The following EDNRA variants were observed in gnomAD, a reference collection of about 807,000 sequenced individuals.
The protein encoded by EDNRA is endothelin-1 receptor.
Under a neutral mutation model 41.4 loss-of-function variants are expected in EDNRA, and 11 were observed. The ratio of observed to expected loss-of-function variants is 0.27; its 90% CI spans 0.17 to 0.44. EDNRA has a LOEUF of 0.44. EDNRA is among the 20% of genes least tolerant of loss of function. The pLI is 1.00. For synonymous variants in EDNRA, 172 were observed against 183.0 expected (o/e 0.94, Z 0.49); for missense variants, 294 against 531.0 (o/e 0.55, Z 4.39).
chr4:147,497,418 A>T (rs879810992), intron 2 of EDNRA, among the ~76,000 whole-genome samples: 20 of 152,284 alleles, frequency 1.3e-4, no homozygotes, highest in Admixed American at 6.5e-4. Flanking sequence ...GATAATTCCC[A>T]GATCAACTCA....
chr4:147,516,402 C>T (rs1517135), intron 2 of EDNRA, among the ~76,000 whole-genome samples: 12,168 of 152,268 alleles, frequency 0.08, 1,580 homozygotes, highest in African/African-American at 0.27. Context: ...TACTTTGAGA[C>T]ACTGATAAAC....
Position 147,499,006 on chromosome 4 carries a change from G to A in EDNRA, c.420+12905G>A, listed in dbSNP as rs1299073890. Among the ~76,000 whole-genome samples, 3 of 152,246 alleles carry A rather than the reference G, an allele frequency of 2.0e-5. No homozygotes were observed. The East Asian group carries it at 5.8e-4, about 29-fold the overall frequency. On this transcript the variant is annotated intron_variant, in intron 2 of 7. Coordinates refer to ENST00000651419, the MANE Select transcript of EDNRA (RefSeq NM_001957.4). Reference sequence around the variant, plus strand: ...AAAATATGTTTTATTTTTTAAAATGGTTTGTCACTGATCTTGAATAAATCA... The same window carrying A: ...AAAATATGTTTTATTTTTTAAAATGATTTGTCACTGATCTTGAATAAATCA...
At chr4:147,525,627 TAGGAG>T (rs150205740) in intron 3 of EDNRA, among the ~76,000 whole-genome samples, 2,213 of 134,198 alleles carry the variant, frequency 0.016, 69 homozygotes, top group African/African-American at 0.062. Flanking sequence ...AGGAGAGGGG[TAGGAG>T]GGATCACTGT....
At chr4:147,528,392 CTG>C (rs1253845159) in intron 3 of EDNRA, among the ~76,000 whole-genome samples, 1 of 135,366 alleles carries the variant, frequency 7.4e-6, no homozygotes, top group Non-Finnish European at 1.5e-5. Flanking sequence ...GGGTCTTACT[CTG>C]TCACCCAGGC....
chr4:147,520,888 C>A (rs1730300656), intron 3 of EDNRA, among the ~76,000 whole-genome samples: 1 of 152,092 alleles, frequency 6.6e-6, no homozygotes, highest in African/African-American at 2.4e-5. Flanking sequence ...ATTGTTAGGA[C>A]AAAAATTGTT....
At chr4:147,484,423 G>C (rs1457974188) in intron 1 of EDNRA, among the ~76,000 whole-genome samples, 2 of 152,154 alleles carry the variant, frequency 1.3e-5, no homozygotes, top group East Asian at 3.9e-4. Flanking sequence ...GTGGTTAACA[G>C]CTCCGGCTCA....
At chr4:147,506,489 T>C (rs567871494) in intron 2 of EDNRA, 32 of 346,084 alleles carry the variant, frequency 9.2e-5, no homozygotes, top group African/African-American at 6.7e-4. Flanking sequence ...GTTTTGAACC[T>C]GTTGCTAATC....
At chr4:147,507,700 GAAATA>G (rs757557572) in intron 2 of EDNRA, among the ~76,000 whole-genome samples, 1 of 152,124 alleles carries the variant, frequency 6.6e-6, no homozygotes, top group Non-Finnish European at 1.5e-5. Flanking sequence ...TGAAACTGGG[GAAATA>G]AAATAATATT....
chr4:147,501,333 G>C (rs556380520), intron 2 of EDNRA, among the ~76,000 whole-genome samples: 99 of 152,310 alleles, frequency 6.5e-4, no homozygotes, highest in African/African-American at 2.3e-3. Flanking sequence ...TGCAGGGGCA[G>C]TTCCCACACT....
chr4:147,487,142 T>C (rs1201355767), intron 2 of EDNRA, among the ~76,000 whole-genome samples: 2 of 152,148 alleles, frequency 1.3e-5, no homozygotes, highest in African/African-American at 4.8e-5. Context: ...CACTCACTAA[T>C]GCAAGGACAG....
chr4:147,537,819 CGTTCCTTTTGGTGCCACTCAAATCTGT>C (rs61168517), intron 5 of EDNRA, among the ~76,000 whole-genome samples: 50,999 of 151,024 alleles, frequency 0.34, 10,293 homozygotes, highest in African/African-American at 0.57. Flanking sequence ...ATGCAGTTAA[CGTTCCTTTTGGTGCCACTCAAATCTGT>C]AGCAAATCCT....
chr4:147,489,397 T>C (rs1317752694), intron 2 of EDNRA: 1 of 152,190 alleles, frequency 6.6e-6, no homozygotes, highest in Non-Finnish European at 1.5e-5. Flanking sequence ...GGAAGTAGAC[T>C]ATTTAAAGAT....
chr4:147,517,789 C>T (rs1202366937), intron 2 of EDNRA, among the ~76,000 whole-genome samples: 2 of 152,060 alleles, frequency 1.3e-5, no homozygotes, highest in African/African-American at 2.4e-5. Context: ...TATGCCTAAC[C>T]CTAACCTAAT....
At chr4:147,511,059 G>T (rs1172458988) in intron 2 of EDNRA, among the ~76,000 whole-genome samples, 3 of 152,144 alleles carry the variant, frequency 2.0e-5, no homozygotes, top group African/African-American at 7.2e-5. Flanking sequence ...AGCTAGACTG[G>T]AAGCCAGCAT....
intron 2 of EDNRA, chr4:147,506,129 T>C (rs556582694): frequency 1.9e-6 from 1 of 527,324 alleles, no homozygotes; most frequent in Admixed American, 1.9e-5. Flanking sequence ...CTAAAGCCCC[T>C]GGAAGAGGTG....
At chr4:147,523,484 T>G (rs1173065731) in intron 3 of EDNRA, among the ~76,000 whole-genome samples, 20 of 116,930 alleles carry the variant, frequency 1.7e-4, no homozygotes, top group Admixed American at 4.1e-4. Flanking sequence ...GTTGTTGTTT[T>G]TTTGTTTTTT....
chr4:147,542,844 T>C lies in EDNRA; in HGVS notation c.*226T>C. On this transcript the variant is annotated 3_prime_UTR_variant, in exon 8 of 8. Transcript: ENST00000651419. ...TCTAATTTACATATTCTGCGTGTTG[T>C]ATTCAGCACTAAAAAATGGTGGGAG... The C allele has an allele frequency of 4.4e-6, 2 of 449,606 alleles. No homozygotes were observed. The highest frequency in any genetic ancestry group is 4.1e-5 in the Admixed American group (1 of 24,590). 27.9% of individuals were successfully genotyped at this position (449,606 alleles called of 1,614,324 possible). A position where few individuals can be genotyped will look rare whatever the true frequency, so the allele number is the denominator to read the frequency against.
chr4:147,506,025 G>A (rs936034291), intron 2 of EDNRA: 13 of 418,588 alleles, frequency 3.1e-5, no homozygotes, highest in Non-Finnish European at 5.1e-5. Context: ...TCCCAGAGAA[G>A]TGAAAATTTT....
At chr4:147,540,010 C>G in intron 6 of EDNRA, 60 bp downstream of exon 6, 1 of 1,537,338 alleles carries the variant, frequency 6.5e-7, no homozygotes, top group Non-Finnish European at 8.7e-7. Flanking sequence ...ATTTATAATA[C>G]TTTTACAAAA....
Sources: gnomAD v4.1 joint callset for allele counts (sites outside exome capture counted in the v4.1 genomes callset) on GRCh38, gnomAD v4.1.1 for gene constraint, MANE v1.5 for transcripts, NCBI Gene and HGNC (gene_info 2026-07-23, HGNC 2026-07-21) for gene names.